The following PTPRD variants were observed in gnomAD, a reference collection of about 807,000 sequenced individuals.
The protein encoded by PTPRD is protein tyrosine phosphatase receptor type D, also known as receptor-type tyrosine-protein phosphatase delta.
Under a neutral mutation model 214.5 loss-of-function variants are expected in PTPRD, and 34 were observed. The observed-to-expected ratio is 0.16, with a 90% confidence interval of 0.12 to 0.21. PTPRD has a LOEUF of 0.21. Ranked by LOEUF, PTPRD falls within the 10% of genes least tolerant of loss-of-function variation. The pLI, the probability that PTPRD is intolerant of heterozygous loss-of-function variation, is 1.00. For missense variants in PTPRD, 2,545 were observed against 2,398.7 expected, an observed-to-expected ratio of 1.06 and a Z score of -1.27; for synonymous variants, 1,128 against 845.7, an observed-to-expected ratio of 1.33 and a Z score of -5.79.
At chr9:9,926,530 A>G (rs976185503) in intron 5 of PTPRD, among the ~76,000 whole-genome samples, 1 of 152,196 alleles carries the variant, frequency 6.6e-6, no homozygotes, top group East Asian at 1.9e-4. Flanking sequence ...AAAAGAGCAG[A>G]AAAGAGAAAG....
At chr9:8,830,394 G>T (rs140019964) in intron 11 of PTPRD, among the ~76,000 whole-genome samples, 5 of 152,226 alleles carry the variant, frequency 3.3e-5, no homozygotes, top group African/African-American at 7.2e-5. Context: ...TATAGAAATT[G>T]TAAGACTTCT....
rs938758195 is a variant in PTPRD at position 9,187,564 on chromosome 9, C to G, written c.-202-4201G>C. Among the ~76,000 whole-genome samples the G allele has an allele frequency of 3.3e-5, 5 of 151,822 alleles. 1 individual carries two copies. The highest frequency in any genetic ancestry group is 1.2e-4 in the African/African-American group (5 of 41,364). ...ATGTTAGATTTCTTAAATGGCATAG[C>G]TTGTCTTTCCTCCCTCCCTCCCTGC... On this transcript the variant is annotated intron_variant, in intron 9 of 45. Coordinates refer to ENST00000381196, the MANE Select transcript of PTPRD (RefSeq NM_002839.4).
chr9:10,278,860 C>T (rs1014603495), intron 3 of PTPRD, among the ~76,000 whole-genome samples: 3 of 151,924 alleles, frequency 2.0e-5, no homozygotes, highest in Non-Finnish European at 2.9e-5. Flanking sequence ...CTGCAAGCTC[C>T]GTCTCCTTGG....
intron 5 of PTPRD, among the ~76,000 whole-genome samples, chr9:9,894,836 GT>G (rs559033234): frequency 1.2e-3 from 179 of 151,552 alleles, no homozygotes; most frequent in African/African-American, 3.7e-3. Flanking sequence ...TAAAATGTCT[GT>G]TTTTTTTCTG....
intron 3 of PTPRD, among the ~76,000 whole-genome samples, chr9:10,035,407 C>A (rs576884203): frequency 1.2e-4 from 19 of 152,102 alleles, no homozygotes; most frequent in East Asian, 3.9e-4. Context: ...TTGATAATTT[C>A]TTTTGCTGTG....
intron 6 of PTPRD, among the ~76,000 whole-genome samples, chr9:9,740,465 C>T (rs1564895565): frequency 6.6e-6 from 1 of 151,790 alleles, no homozygotes; most frequent in Non-Finnish European, 1.5e-5. Context: ...TCACGCCATT[C>T]TCCTGCTTTA....
chr9:8,541,405 T>C (rs1158858258), intron 14 of PTPRD, among the ~76,000 whole-genome samples: 2 of 152,164 alleles, frequency 1.3e-5, no homozygotes, highest in Non-Finnish European at 2.9e-5. Flanking sequence ...CAATTATTTT[T>C]ATTTTTCATA....
At chr9:8,750,334 T>A (rs1329783184) in intron 11 of PTPRD, among the ~76,000 whole-genome samples, 1 of 151,832 alleles carries the variant, frequency 6.6e-6, no homozygotes, top group African/African-American at 2.4e-5. Flanking sequence ...ATTTTTGTAT[T>A]TTTAGTAGCG....
chr9:8,801,431 A>C (rs189492924), intron 11 of PTPRD, among the ~76,000 whole-genome samples: 1 of 152,338 alleles, frequency 6.6e-6, no homozygotes, highest in African/African-American at 2.4e-5. Context: ...TGCCCATCAA[A>C]CCTGGCCAAG....
intron 14 of PTPRD, among the ~76,000 whole-genome samples, chr9:8,597,015 A>C (rs979982267): frequency 3.3e-5 from 5 of 152,136 alleles, no homozygotes; most frequent in Admixed American, 6.5e-5. Context: ...GGCTTCTATT[A>C]ATTACACTAA....
At chr9:8,984,623 A>C (rs1776718606) in intron 11 of PTPRD, among the ~76,000 whole-genome samples, 1 of 152,102 alleles carries the variant, frequency 6.6e-6, no homozygotes. Flanking sequence ...ACATTAGGCT[A>C]ATTCCAGAAA....
chr9:8,437,146 G>T, intron 34 of PTPRD: 2 of 1,292,568 alleles, frequency 1.5e-6, no homozygotes, highest in Non-Finnish European at 1.1e-6. Flanking sequence ...GGAAAGAGTA[G>T]TAGCTTGATA....
chr9:8,493,221 G>C (rs958358926), intron 26 of PTPRD, among the ~76,000 whole-genome samples: 2 of 152,150 alleles, frequency 1.3e-5, no homozygotes, highest in Admixed American at 6.5e-5. Context: ...ATGAAATCTG[G>C]AGCCAGACTT....
At chr9:8,691,727 C>T (rs889507205) in intron 12 of PTPRD, among the ~76,000 whole-genome samples, 2 of 152,190 alleles carry the variant, frequency 1.3e-5, no homozygotes, top group African/African-American at 2.4e-5. Flanking sequence ...TCTTAAAATA[C>T]GTTGGTTATG....
chr9:9,667,198 T>G (rs2154383971), intron 7 of PTPRD, among the ~76,000 whole-genome samples: 1 of 152,226 alleles, frequency 6.6e-6, no homozygotes, highest in East Asian at 1.9e-4. Flanking sequence ...TCCTGTTTTC[T>G]TAGGCTGATA....
rs563967770 is a variant in PTPRD, at chr9:8,746,231, G to GA, written c.-103-12286dup. ...TATCTCAGTGGAGAGACAACAGCCT[G>GA]AGTGCACTTTATTACGAAGTTGCTG... is the stretch of plus-strand genomic sequence containing the variant. On this transcript the variant is annotated intron_variant, in intron 11 of 45. Transcript: ENST00000381196. 1.4e-4 allele frequency among the ~76,000 whole-genome samples: 21 copies of GA among 152,282 alleles called. No individual in the cohort carries two copies. The South Asian group carries it at 4.1e-3, about 30-fold the overall frequency.
chr9:10,259,339 T>C (rs1026650691), intron 3 of PTPRD, among the ~76,000 whole-genome samples: 1 of 152,172 alleles, frequency 6.6e-6, no homozygotes, highest in Admixed American at 6.5e-5. Context: ...CTGTTTCTTA[T>C]GTGTAGTGAT....
rs186239638 is a variant in PTPRD at position 10,171,869 on chromosome 9, C to T, written c.-544-138079G>A. 4.6e-5 allele frequency among the ~76,000 whole-genome samples: 7 copies of T among 152,240 alleles called. No homozygotes were observed. The East Asian group carries it at 1.4e-3, about 29-fold the overall frequency. On this transcript the variant is annotated intron_variant, in intron 3 of 45. Transcript: ENST00000381196. ...GTGAAAATGGATTAATAACCCCCAT[C>T]ATGCTGTTTTTTTCCAAACCCAGGA...
intron 11 of PTPRD, among the ~76,000 whole-genome samples, chr9:8,737,268 A>T (rs2090681271): frequency 6.6e-6 from 1 of 152,200 alleles, no homozygotes; most frequent in Admixed American, 6.5e-5. Flanking sequence ...GTTGTGCCCA[A>T]AGGAGGTCAG....
Sources: allele counts gnomAD v4.1 joint callset (sites outside exome capture counted in the v4.1 genomes callset), GRCh38; gene constraint gnomAD v4.1.1; transcripts MANE v1.5; gene names NCBI Gene and HGNC (gene_info 2026-07-23, HGNC 2026-07-21).